MSRA: variants seen among roughly 807,000 people sequenced by gnomAD.
MSRA encodes the protein mitochondrial peptide methionine sulfoxide reductase.
In MSRA, 54 loss-of-function variants were observed where a neutral mutation model predicts 31.3. That is an observed-to-expected ratio of 1.73 (90% CI 1.39 to 2.17). MSRA has a LOEUF of 2.17. Among genes scored for constraint, MSRA ranks in the 30% most tolerant of loss-of-function variants. The pLI is 0.00. For synonymous variants in MSRA, 169 were observed against 116.5 expected (o/e 1.45, Z -2.90); for missense variants, 507 against 300.9 (o/e 1.69, Z -5.07).
chr8:10,187,584 C>A (rs1187676501), intron 1 of MSRA, among the ~76,000 whole-genome samples: 1 of 152,172 alleles, frequency 6.6e-6, no homozygotes, highest in African/African-American at 2.4e-5. Context: ...GCCTGGAAAT[C>A]TGAGAAATAA....
intron 1 of MSRA, among the ~76,000 whole-genome samples, chr8:10,134,052 C>T (rs539907668): frequency 2.6e-5 from 4 of 152,174 alleles, no homozygotes; most frequent in African/African-American, 9.6e-5. Context: ...CCTGGTCTCC[C>T]AACTCCTGAC....
intron 1 of MSRA, among the ~76,000 whole-genome samples, chr8:10,119,940 C>T (rs1416719002): frequency 6.6e-6 from 1 of 152,068 alleles, no homozygotes; most frequent in African/African-American, 2.4e-5. Context: ...CTTTACCATG[C>T]CTAGACCCAA....
chr8:10,180,273 C>G (rs1386343298), intron 1 of MSRA, among the ~76,000 whole-genome samples: 1 of 152,196 alleles, frequency 6.6e-6, no homozygotes. Context: ...GGATACAACT[C>G]AGGACCAACC....
Position 10,054,413 on chromosome 8 carries a change from C to G in MSRA, c.-104C>G. 25 of 1,072,990 alleles carry G rather than the reference C, an allele frequency of 2.3e-5. No homozygotes were observed. The highest frequency in any genetic ancestry group is 2.9e-5 in the Non-Finnish European group (24 of 833,848). 66.5% of individuals were successfully genotyped at this position (1,072,990 alleles called of 1,614,324 possible). ...CGCGCCCGCCCGCCCGCGCCCCTGCCGCCCCCCGGTTCCGGCCGCGGACCC... is the reference window on the plus strand; with the variant it reads ...CGCGCCCGCCCGCCCGCGCCCCTGCGGCCCCCCGGTTCCGGCCGCGGACCC... On this transcript the variant is annotated 5_prime_UTR_variant, in exon 1 of 6. Transcript: ENST00000317173.
chr8:10,406,190 C>A (rs1807806415), intron 5 of MSRA, among the ~76,000 whole-genome samples: 1 of 152,210 alleles, frequency 6.6e-6, no homozygotes, highest in South Asian at 2.1e-4. Context: ...AGTGTGTGTT[C>A]ACAGCAGTGG....
chr8:10,290,908 G>A (rs911659343), intron 3 of MSRA, among the ~76,000 whole-genome samples: 1 of 152,236 alleles, frequency 6.6e-6, no homozygotes, highest in African/African-American at 2.4e-5. Context: ...TGCCTGTTTC[G>A]CAGCAGAGTG....
intron 3 of MSRA, among the ~76,000 whole-genome samples, chr8:10,286,888 C>G (rs984229509): frequency 1.3e-5 from 2 of 152,214 alleles, no homozygotes; most frequent in African/African-American, 4.8e-5. Context: ...TGTGCACACA[C>G]GTGTATAATG....
Position 10,230,846 on chromosome 8 carries a change from G to A in MSRA, c.212-14258G>A, listed in dbSNP as rs150263632. On this transcript the variant is annotated intron_variant, in intron 2 of 5. Coordinates refer to ENST00000317173, the MANE Select transcript of MSRA (RefSeq NM_012331.5). Reference sequence around the variant, plus strand: ...GTTGCCCAGGCTGGAGTATAATGGCGTGATTTTGGCTCACTGCAACCTCCG... The same window carrying A: ...GTTGCCCAGGCTGGAGTATAATGGCATGATTTTGGCTCACTGCAACCTCCG... Among the ~76,000 whole-genome samples, 150 of 152,270 alleles carry A rather than the reference G, an allele frequency of 9.9e-4. 2 individuals are homozygous for A. In the East Asian group the frequency reaches 0.027, roughly 27 times the overall value.
chr8:10,279,893 G>C (rs1179141347), intron 3 of MSRA, among the ~76,000 whole-genome samples: 2 of 152,164 alleles, frequency 1.3e-5, no homozygotes, highest in Non-Finnish European at 2.9e-5. Flanking sequence ...GACTCAGTGT[G>C]CATTAAATGT....
intron 1 of MSRA, among the ~76,000 whole-genome samples, chr8:10,147,367 G>C (rs1490556333): frequency 6.6e-6 from 1 of 152,154 alleles, no homozygotes; most frequent in Non-Finnish European, 1.5e-5. Flanking sequence ...CAGCAGCTCA[G>C]TCATCAGCTG....
At chr8:10,283,566 T>A (rs557973943) in intron 3 of MSRA, among the ~76,000 whole-genome samples, 1 of 151,916 alleles carries the variant, frequency 6.6e-6, no homozygotes, top group Admixed American at 6.6e-5. Context: ...GAACCGAATT[T>A]GTAGTATTTT....
At chr8:10,382,024 T>C (rs1352534028) in intron 5 of MSRA, among the ~76,000 whole-genome samples, 1 of 152,234 alleles carries the variant, frequency 6.6e-6, no homozygotes, top group African/African-American at 2.4e-5. Flanking sequence ...CATTTCTTTC[T>C]GCGTGGTACA....
At chr8:10,419,218 G>A (rs116680466) in intron 5 of MSRA, among the ~76,000 whole-genome samples, 3 of 152,254 alleles carry the variant, frequency 2.0e-5, no homozygotes, top group African/African-American at 4.8e-5. Context: ...ACGTGTCGCA[G>A]GACAGAACAC....
intron 5 of MSRA, among the ~76,000 whole-genome samples, chr8:10,354,482 C>T (rs1804386211): frequency 1.3e-5 from 2 of 152,142 alleles, no homozygotes; most frequent in Admixed American, 1.3e-4. Flanking sequence ...TAGTGGAAAA[C>T]AGGTAAGACA....
chr8:10,388,244 A>G (rs1266977064), intron 5 of MSRA, among the ~76,000 whole-genome samples: 1 of 152,162 alleles, frequency 6.6e-6, no homozygotes, highest in South Asian at 2.1e-4. Flanking sequence ...GTGACCAGGA[A>G]AACTACAGAA....
At chr8:10,341,766 C>T (rs1451440191) in intron 5 of MSRA, among the ~76,000 whole-genome samples, 1 of 152,192 alleles carries the variant, frequency 6.6e-6, no homozygotes, top group Non-Finnish European at 1.5e-5. Flanking sequence ...TGACATGTGC[C>T]AAGCTCCCGA....
intron 1 of MSRA, among the ~76,000 whole-genome samples, chr8:10,192,887 C>G (rs571624355): frequency 4.6e-5 from 7 of 152,296 alleles, no homozygotes; most frequent in African/African-American, 1.7e-4. Flanking sequence ...GTTTCTAAAT[C>G]TCAGACACCC....
intron 1 of MSRA, among the ~76,000 whole-genome samples, chr8:10,187,465 T>C (rs1807149560): frequency 1.3e-5 from 2 of 152,208 alleles, no homozygotes; most frequent in African/African-American, 2.4e-5. Context: ...TTACTAGGAC[T>C]GCAGCAGCTA....
chr8:10,204,018 T>G (rs1808730229), intron 1 of MSRA, among the ~76,000 whole-genome samples: 1 of 151,704 alleles, frequency 6.6e-6, no homozygotes. Context: ...AAGTAAAAAA[T>G]GAAAATTTTA....
Sources: gnomAD v4.1 joint callset for allele counts (sites outside exome capture counted in the v4.1 genomes callset) on GRCh38, gnomAD v4.1.1 for gene constraint, MANE v1.5 for transcripts, NCBI Gene and HGNC (gene_info 2026-07-23, HGNC 2026-07-21) for gene names.